Variants in SMAD2 observed in about 807,000 individuals in gnomAD.
SMAD2 encodes the protein SMAD family member 2.
Under a neutral mutation model 64.4 loss-of-function variants are expected in SMAD2, and 8 were observed. The observed-to-expected ratio is 0.12, with a 90% CI of 0.07 to 0.22. The LOEUF is 0.22. SMAD2 is among the 10% of genes least tolerant of loss of function. SMAD2 has a pLI of 1.00. For synonymous variants in SMAD2, 203 were observed against 195.8 expected (o/e 1.04, Z -0.31); for missense variants, 289 against 561.2 (o/e 0.51, Z 4.90).
rs142494432 is a variant in SMAD2 at position 47,848,374 on chromosome 18, C to T, written c.997+101G>A. 104 of 877,736 alleles carry T rather than the reference C, an allele frequency of 1.2e-4. 1 individual carries two copies. Among genetic ancestry groups the T allele is most frequent in the African/African-American group, 2.1e-4 (13 of 60,670 alleles). The allele number at this position is 877,736 out of a possible 1,614,324, so 54.4% of individuals were successfully genotyped here. A position where few individuals can be genotyped will look rare whatever the true frequency, so the allele number is the denominator to read the frequency against. The stretch of plus-strand genomic sequence containing the variant: ...GGCACTTAAACCACCAGAGAGAAAG[C>T]TGGTTTTACTGCACACAAGCTCTTG... On this transcript the variant is annotated intron_variant, in intron 8 of 10. Transcript: ENST00000262160.
chr18:47,904,241 C>T (rs2033814480), intron 1 of SMAD2, among the ~76,000 whole-genome samples: 1 of 148,838 alleles, frequency 6.7e-6, no homozygotes, highest in Non-Finnish European at 1.5e-5. Flanking sequence ...CATTTGGTGG[C>T]ATCTCGTATG....
intron 6 of SMAD2, among the ~76,000 whole-genome samples, chr18:47,857,483 T>C (rs544478458): frequency 2.6e-5 from 4 of 152,316 alleles, no homozygotes; most frequent in African/African-American, 9.6e-5. Context: ...CCCTTATAGT[T>C]AGTATGTAGA....
intron 2 of SMAD2, among the ~76,000 whole-genome samples, chr18:47,873,110 G>A (rs111372015): frequency 0.019 from 2,826 of 152,002 alleles, 79 homozygotes; most frequent in African/African-American, 0.064. Context: ...AAAATGCTGG[G>A]ATTACAGAAG....
rs530423638 is a variant in SMAD2, at chr18:47,859,195, C to T, written c.730+5864G>A. On this transcript the variant is annotated intron_variant, in intron 6 of 10. Coordinates refer to ENST00000262160, the MANE Select transcript of SMAD2 (RefSeq NM_005901.6). ...TAACAGAGGTTAAAGACACACGAAGCAAAAACTGACAGGACTAAAGGCACA... is the reference window on the plus strand; with the variant it reads ...TAACAGAGGTTAAAGACACACGAAGTAAAAACTGACAGGACTAAAGGCACA... Among the ~76,000 whole-genome samples, 218 of 151,958 alleles carry T rather than the reference C, an allele frequency of 1.4e-3. 1 individual carries two copies. The highest frequency in any genetic ancestry group is 4.8e-3 in the African/African-American group (198 of 41,480).
At position 47,839,648 on chromosome 18, in the gene SMAD2, AATAAG is replaced by A. The variant is rs1239290657; in HGVS notation, c.*2174_*2178del. 4.3e-6 allele frequency: 1 copy of A among 233,312 alleles called. No homozygotes were observed. The highest frequency in any genetic ancestry group is 5.6e-5 in the Admixed American group (1 of 17,786). The allele number at this position is 233,312 out of a possible 1,614,324, so 14.5% of individuals were successfully genotyped here. On this transcript the variant is annotated 3_prime_UTR_variant, in exon 11 of 11. Transcript: ENST00000262160. ...AATCACATGAAGCAGACTATCACAA[AATAAG>A]GCCACCTTCAAAATGTTATGAACTG...
chr18:47,911,352 A>G (rs1448675303), intron 1 of SMAD2, among the ~76,000 whole-genome samples: 3 of 120,864 alleles, frequency 2.5e-5, no homozygotes, highest in Non-Finnish European at 5.6e-5. Flanking sequence ...CTCCATCTGG[A>G]AAAAAAAAAA....
In SMAD2 at chr18:47,815,576, T is replaced by C. The variant is rs190455985; in HGVS notation, c.*26251A>G. ...CCTTCTGACTCCAATTTGGAAACCA[T>C]TTATTTAACCACTAGTACAAAAACT... On this transcript the variant is annotated 3_prime_UTR_variant, in exon 11 of 11. Transcript: ENST00000262160. 2.6e-5 allele frequency: 4 copies of C among 152,334 alleles called. No homozygotes were observed. In the East Asian group the frequency reaches 7.7e-4, roughly 29 times the overall value. 9.4% of individuals were successfully genotyped at this position (152,334 alleles called of 1,614,324 possible). A position where few individuals can be genotyped will look rare whatever the true frequency, so the allele number is the denominator to read the frequency against.
chr18:47,906,565 T>C (rs1700328441), intron 1 of SMAD2, among the ~76,000 whole-genome samples: 1 of 152,220 alleles, frequency 6.6e-6, no homozygotes, highest in African/African-American at 2.4e-5. Context: ...CTGACACTAC[T>C]AAATGTTGAT....
At chr18:47,850,285 TATTATGTATAA>T in intron 7 of SMAD2, among the ~76,000 whole-genome samples, 3 of 55,694 alleles carry the variant, frequency 5.4e-5, no homozygotes, top group African/African-American at 1.5e-4. Context: ...ATATTATATA[TATTATGTATAA>T]TATATATTAT....
At chr18:47,855,692 G>C (rs1453242705) in intron 6 of SMAD2, among the ~76,000 whole-genome samples, 2 of 152,002 alleles carry the variant, frequency 1.3e-5, no homozygotes, top group Admixed American at 6.5e-5. Context: ...CACAATCTTG[G>C]CTCACTACAA....
At chr18:47,915,114 T>C (rs879564834) in intron 1 of SMAD2, among the ~76,000 whole-genome samples, 3 of 152,196 alleles carry the variant, frequency 2.0e-5, no homozygotes, top group African/African-American at 7.2e-5. Flanking sequence ...CTAGCTGTCA[T>C]ATCTTAGCAT....
intron 2 of SMAD2, among the ~76,000 whole-genome samples, chr18:47,885,195 C>T (rs560194649): frequency 1.3e-5 from 2 of 149,448 alleles, no homozygotes; most frequent in Admixed American, 6.7e-5. Context: ...ATACCCTCCC[C>T]CCCCAAGACA....
intron 2 of SMAD2, among the ~76,000 whole-genome samples, chr18:47,887,859 G>A (rs1263120455): frequency 6.6e-6 from 1 of 152,152 alleles, no homozygotes; most frequent in Non-Finnish European, 1.5e-5. Flanking sequence ...ACAAAAGGGA[G>A]AAATACCTTA....
In SMAD2 at chr18:47,820,940, C is replaced by CACACACACACAA. The variant is rs1401161515; in HGVS notation, c.*20886_*20887insTTGTGTGTGTGT. The CACACACACACAA allele has an allele frequency of 7.3e-6, 1 of 136,070 alleles. No homozygotes were observed. Among genetic ancestry groups the CACACACACACAA allele is most frequent in the African/African-American group, 2.7e-5 (1 of 37,670 alleles). The allele number at this position is 136,070 out of a possible 1,614,324, so 8.4% of individuals were successfully genotyped here. A position where few individuals can be genotyped will look rare whatever the true frequency, so the allele number is the denominator to read the frequency against. ...ACACACACACACACACACACACACACAAAATTTGGTCCCCAATGTTAGAAC... is the reference window on the plus strand; with the variant it reads ...ACACACACACACACACACACACACACACACACACACAAAAAATTTGGTCCCCAATGTTAGAAC... On this transcript the variant is annotated 3_prime_UTR_variant, in exon 11 of 11. Transcript: ENST00000262160.
At chr18:47,889,088 A>T (rs1332681267) in intron 2 of SMAD2, among the ~76,000 whole-genome samples, 4 of 152,220 alleles carry the variant, frequency 2.6e-5, no homozygotes, top group African/African-American at 7.2e-5. Context: ...TCAACAGAAA[A>T]TATCTAAATT....
chr18:47,825,575 T>C lies in SMAD2; in HGVS notation c.*16252A>G, dbSNP rs576754883. ...CCTTGAACTTCCCAGCCTGTAGAAC[T>C]GTGAGCATCCTTCATAAGTGACCCT... is the stretch of plus-strand genomic sequence containing the variant. On this transcript the variant is annotated 3_prime_UTR_variant, in exon 11 of 11. Transcript: ENST00000262160. 1 of 152,910 alleles carries C rather than the reference T, an allele frequency of 6.5e-6. No individual in the cohort carries two copies. Among genetic ancestry groups the C allele is most frequent in the Admixed American group, 6.5e-5 (1 of 15,308 alleles). The allele number at this position is 152,910 out of a possible 1,614,324, so 9.5% of individuals were successfully genotyped here.
intron 1 of SMAD2, among the ~76,000 whole-genome samples, chr18:47,907,773 G>A (rs933022318): frequency 6.6e-6 from 1 of 152,082 alleles, no homozygotes; most frequent in Non-Finnish European, 1.5e-5. Flanking sequence ...GCAACATGGC[G>A]AAACCCTGTC....
At chr18:47,874,942 A>C (rs2032179552) in intron 2 of SMAD2, among the ~76,000 whole-genome samples, 1 of 152,194 alleles carries the variant, frequency 6.6e-6, no homozygotes, top group African/African-American at 2.4e-5. Flanking sequence ...AATGCAAGTC[A>C]ATGTCATCTT....
rs2032918386 is a variant in SMAD2 at position 47,886,588 on chromosome 18, T to TCTAC, written c.236+9932_236+9933insGTAG. Among the ~76,000 whole-genome samples the TCTAC allele has an allele frequency of 2.0e-5, 3 of 151,808 alleles. No individual in the cohort carries two copies. The South Asian group carries it at 6.2e-4, about 32-fold the overall frequency. On this transcript the variant is annotated intron_variant, in intron 2 of 10. Coordinates refer to ENST00000262160, the MANE Select transcript of SMAD2 (RefSeq NM_005901.6). ...ATCTATCCATCTATCTATCTATCTA[T>TCTAC]CTATCTATCTATCTATCTATCTATC...
Sources: allele counts gnomAD v4.1 joint callset (sites outside exome capture counted in the v4.1 genomes callset), GRCh38; gene constraint gnomAD v4.1.1; transcripts MANE v1.5; gene names NCBI Gene and HGNC (gene_info 2026-07-23, HGNC 2026-07-21).